Variants in COG5 observed in about 807,000 individuals in gnomAD.
COG5 encodes the protein conserved oligomeric Golgi complex subunit 5.
A neutral mutation model predicts 110.4 loss-of-function variants in COG5; 86 were observed. The observed-to-expected ratio is 0.78, with a 90% CI of 0.65 to 0.93. The LOEUF (loss-of-function observed/expected upper bound fraction) is 0.93. COG5 is among the 40% of genes least tolerant of loss of function. COG5 has a pLI of 0.00. For synonymous variants in COG5, 360 were observed against 334.6 expected (o/e 1.08, Z -0.83); for missense variants, 1,077 against 987.0 (o/e 1.09, Z -1.22).
chr7:107,428,064 A>T (rs1793771739), intron 6 of COG5, among the ~76,000 whole-genome samples: 1 of 152,170 alleles, frequency 6.6e-6, no homozygotes, highest in Admixed American at 6.5e-5. Context: ...GACAGTATAA[A>T]AAACCAATTA....
At chr7:107,550,527 A>G (rs1041590969) in intron 3 of COG5, among the ~76,000 whole-genome samples, 1 of 152,074 alleles carries the variant, frequency 6.6e-6, no homozygotes, top group Non-Finnish European at 1.5e-5. Flanking sequence ...CCCCTCAAAC[A>G]TGCCAAATTA....
chr7:107,563,301 A>G (rs185893813), intron 1 of COG5, among the ~76,000 whole-genome samples: 1,833 of 137,612 alleles, frequency 0.013, 31 homozygotes, highest in African/African-American at 0.043. Context: ...ATAAAGGAGG[A>G]AAAAAAAAAC....
chr7:107,398,697 G>C (rs1180881748), intron 7 of COG5, among the ~76,000 whole-genome samples: 4 of 152,106 alleles, frequency 2.6e-5, no homozygotes, highest in African/African-American at 7.2e-5. Context: ...GAAGAAGCTA[G>C]ATACACAAGA....
At chr7:107,357,570 A>G (rs1812739937) in intron 10 of COG5, among the ~76,000 whole-genome samples, 1 of 152,188 alleles carries the variant, frequency 6.6e-6, no homozygotes, top group African/African-American at 2.4e-5. Context: ...GAAGTTTTTT[A>G]AGTACATGAA....
At chr7:107,393,301 A>G (rs551821642) in intron 7 of COG5, among the ~76,000 whole-genome samples, 10 of 152,268 alleles carry the variant, frequency 6.6e-5, no homozygotes, top group African/African-American at 2.2e-4. Context: ...CCCTCTTTAC[A>G]AAACCACTCC....
intron 16 of COG5, among the ~76,000 whole-genome samples, chr7:107,255,285 A>G (rs1802800489): frequency 6.6e-6 from 1 of 152,168 alleles, no homozygotes; most frequent in Admixed American, 6.5e-5. Context: ...TTTATTATGG[A>G]AAAATATTTT....
chr7:107,274,848 A>G (rs1255762795), intron 14 of COG5, among the ~76,000 whole-genome samples: 3 of 152,190 alleles, frequency 2.0e-5, no homozygotes, highest in Non-Finnish European at 2.9e-5. Context: ...TCTGTTTTCA[A>G]TATGATCTAC....
intron 7 of COG5, among the ~76,000 whole-genome samples, chr7:107,382,709 GAT>G (rs1815233046): frequency 6.6e-6 from 1 of 152,176 alleles, no homozygotes; most frequent in South Asian, 2.1e-4. Flanking sequence ...AAAGTGCTGA[GAT>G]TACAGGCATG....
At chr7:107,255,982 G>C (rs781077096) in intron 16 of COG5, among the ~76,000 whole-genome samples, 1 of 152,120 alleles carries the variant, frequency 6.6e-6, no homozygotes, top group Non-Finnish European at 1.5e-5. Flanking sequence ...GATATATAAA[G>C]TGGGAACACA....
chr7:107,211,020 T>C, intron 20 of COG5, 79 bp downstream of exon 20: 6 of 1,511,758 alleles, frequency 4.0e-6, no homozygotes, highest in Non-Finnish European at 5.5e-6. Flanking sequence ...CCAGGAATCA[T>C]TCAGTGAGTA....
chr7:107,419,975 A>G (rs1180173101), intron 6 of COG5, among the ~76,000 whole-genome samples: 1 of 152,242 alleles, frequency 6.6e-6, no homozygotes, highest in African/African-American at 2.4e-5. Context: ...AACCTTTTTA[A>G]TAATCTTTGA....
intron 8 of COG5, among the ~76,000 whole-genome samples, chr7:107,368,912 C>A (rs969485661): frequency 4.6e-5 from 7 of 152,208 alleles, no homozygotes; most frequent in Admixed American, 4.6e-4. Flanking sequence ...CTTGTACTCT[C>A]CTTTGCTGGT....
At chr7:107,533,986 G>C (rs1801397295) in intron 5 of COG5, among the ~76,000 whole-genome samples, 1 of 151,672 alleles carries the variant, frequency 6.6e-6, no homozygotes, top group African/African-American at 2.4e-5. Context: ...AACCCTACAA[G>C]CCAGAAGAGA....
At chr7:107,527,098 C>T in intron 6 of COG5, 139 bp downstream of exon 6, 2 of 658,796 alleles carry the variant, frequency 3.0e-6, no homozygotes, top group Non-Finnish European at 2.5e-6. Flanking sequence ...AGAAGTGTTA[C>T]AATATTGTAT....
At chr7:107,467,109 G>A (rs1445318231) in intron 6 of COG5, among the ~76,000 whole-genome samples, 1 of 152,044 alleles carries the variant, frequency 6.6e-6, no homozygotes, top group African/African-American at 2.4e-5. Context: ...CCCATAGGAG[G>A]AATTAAAACA....
intron 20 of COG5, 32 bp from the exon 21 acceptor site, chr7:107,210,637 C>T: frequency 6.4e-7 from 1 of 1,569,580 alleles, no homozygotes; most frequent in Non-Finnish European, 8.7e-7. Context: ...AGAGAGAGTG[C>T]ATACGCATTC....
At chr7:107,493,406 A>G (rs1798086850) in intron 6 of COG5, among the ~76,000 whole-genome samples, 2 of 152,222 alleles carry the variant, frequency 1.3e-5, no homozygotes, top group Admixed American at 1.3e-4. Flanking sequence ...GTATCATTAA[A>G]TATTACCACT....
At chr7:107,553,448 G>A (rs1051145606) in intron 3 of COG5, among the ~76,000 whole-genome samples, 1 of 152,098 alleles carries the variant, frequency 6.6e-6, no homozygotes, top group Admixed American at 6.6e-5. Context: ...TTGAGTACAT[G>A]AGAAATACTG....
At chr7:107,515,081 A>G (rs57384395) in intron 6 of COG5, among the ~76,000 whole-genome samples, 22,925 of 152,178 alleles carry the variant, frequency 0.15, 4,704 homozygotes, top group African/African-American at 0.46. Context: ...TAATTGTTTG[A>G]TAAATAAATT....
Sources: allele counts gnomAD v4.1 joint callset (sites outside exome capture counted in the v4.1 genomes callset), GRCh38; gene constraint gnomAD v4.1.1; transcripts MANE v1.5; gene names NCBI Gene and HGNC (gene_info 2026-07-23, HGNC 2026-07-21).